Variants in SNX1 observed in about 807,000 individuals in gnomAD.
SNX1 encodes sorting nexin-1.
In SNX1, 36 loss-of-function variants were observed where a neutral mutation model predicts 71.8. The observed-to-expected ratio is 0.50, with a 90% CI of 0.38 to 0.66. The LOEUF is 0.66. SNX1 is among the 30% of genes least tolerant of loss of function. SNX1 has a pLI of 0.00. For missense variants in SNX1, 612 were observed against 646.7 expected, an observed-to-expected ratio of 0.95 and a Z score of 0.58; for synonymous variants, 254 against 240.7, an observed-to-expected ratio of 1.06 and a Z score of -0.51.
rs1310033004 is a variant in SNX1 at position 64,118,169 on chromosome 15, G to A, written c.324G>A (p.Val108=). 1.9e-6 allele frequency: 3 copies of A among 1,613,134 alleles called. No homozygotes were observed. The highest frequency in any genetic ancestry group is 1.1e-5 in the South Asian group (1 of 91,026). The part of the protein sequence containing the change: ...LDSTQNNQKK[V]LAKTLISLPP... ...GCACACAAAATAATCAGAAGAAGGT[G>A]CTAGCCAAAACACTCATTTCTCTTC... The change falls in exon 3 of 15, where the codon GTG becomes GTA. Residue 108 remains valine, a synonymous_variant. Coordinates refer to ENST00000559844, the MANE Select transcript of SNX1 (RefSeq NM_003099.5).
At position 64,096,249 on chromosome 15, in the gene SNX1, G is replaced by T. The variant is rs1439204895; in HGVS notation, c.159+77G>T. On this transcript the variant is annotated intron_variant, in intron 1 of 14. Coordinates refer to ENST00000559844, the MANE Select transcript of SNX1 (RefSeq NM_003099.5). ...GAGAGGCTAAGCGAGAATCGGGGAG[G>T]TTGGGCAGAGTGGGCCCGGTGAGAC... The T allele has an allele frequency of 2.3e-5, 34 of 1,489,650 alleles. 1 individual carries two copies. The highest frequency in any genetic ancestry group is 2.3e-5 in the Non-Finnish European group (26 of 1,117,122). The allele number at this position is 1,489,650 out of a possible 1,614,324, so 92.3% of individuals were successfully genotyped here.
intron 1 of SNX1, among the ~76,000 whole-genome samples, chr15:64,107,876 T>C (rs2081038338): frequency 6.6e-6 from 1 of 152,294 alleles, no homozygotes; most frequent in South Asian, 2.1e-4. Context: ...TGTGACTTAC[T>C]GACTGCTAAG....
In SNX1 at chr15:64,096,097, G is replaced by A. The variant is rs756796466; in HGVS notation, c.84G>A (p.Ala28=). 33 of 1,566,842 alleles carry A rather than the reference G, an allele frequency of 2.1e-5. No homozygotes were observed. In the Admixed American group the frequency reaches 4.2e-4, roughly 20 times the overall value. ...FPGLEPESEG[A]AGGSEPEAGD... ...GCCTGGAGCCGGAGTCCGAGGGGGC[G>A]GCCGGGGGATCAGAACCCGAGGCTG... The change falls in exon 1 of 15, where the codon GCG becomes GCA. Residue 28 remains alanine, a synonymous_variant. Transcript: ENST00000559844.
chr15:64,136,755 C>A, intron 13 of SNX1, 106 bp from the exon 14 acceptor site: 2 of 802,944 alleles, frequency 2.5e-6, no homozygotes, highest in Non-Finnish European at 4.2e-6. Flanking sequence ...CACCTGCTGC[C>A]TCTACTTTCT....
chr15:64,098,104 A>G (rs2080921842), intron 1 of SNX1, among the ~76,000 whole-genome samples: 1 of 152,224 alleles, frequency 6.6e-6, no homozygotes, highest in Non-Finnish European at 1.5e-5. Flanking sequence ...TCTGGGCTCA[A>G]TGGATCCTCC....
chr15:64,123,207 G>A (rs967581902), intron 4 of SNX1, among the ~76,000 whole-genome samples: 3 of 152,184 alleles, frequency 2.0e-5, no homozygotes, highest in African/African-American at 7.2e-5. Flanking sequence ...AGTATCCAGT[G>A]CTGCTTTGTG....
chr15:64,112,033 G>A (rs2081082618), intron 1 of SNX1, among the ~76,000 whole-genome samples: 1 of 152,226 alleles, frequency 6.6e-6, no homozygotes, highest in South Asian at 2.1e-4. Context: ...ATTTGTGTGA[G>A]TTAAGGATGA....
rs1187881496 is a variant in SNX1, at chr15:64,143,880, A to C, written c.*6262A>C. ...TCATAGCACTGTTTACAGTTGCAAA[A>C]ACTGAAGCCAATTGAAATGTCCATC... On this transcript the variant is annotated 3_prime_UTR_variant, in exon 15 of 15. Coordinates refer to ENST00000559844, the MANE Select transcript of SNX1 (RefSeq NM_003099.5). 6.6e-6 allele frequency: 1 copy of C among 152,252 alleles called. No individual in the cohort carries two copies. Among genetic ancestry groups the C allele is most frequent in the Non-Finnish European group, 1.5e-5 (1 of 68,048 alleles). 9.4% of individuals were successfully genotyped at this position (152,252 alleles called of 1,614,324 possible). A position where few individuals can be genotyped will look rare whatever the true frequency, so the allele number is the denominator to read the frequency against.
chr15:64,119,322 A>G (rs6494465), intron 4 of SNX1, among the ~76,000 whole-genome samples: 84,790 of 151,778 alleles, frequency 0.56, 27,703 homozygotes, highest in East Asian at 0.81. Flanking sequence ...GGGTCTTGCT[A>G]TGTTGCCCAG....
chr15:64,099,173 A>C (rs1406421109), intron 1 of SNX1, among the ~76,000 whole-genome samples: 4 of 152,180 alleles, frequency 2.6e-5, no homozygotes, highest in African/African-American at 9.7e-5. Context: ...GTCTGATTTA[A>C]ATCTAGGCTC....
In SNX1 at chr15:64,140,114, T is replaced by C. The variant is rs1354266091; in HGVS notation, c.*2496T>C. 6.6e-6 allele frequency: 1 copy of C among 152,306 alleles called. No homozygotes were observed. Among genetic ancestry groups the C allele is most frequent in the East Asian group, 1.9e-4 (1 of 5,206 alleles). The allele number at this position is 152,306 out of a possible 1,614,324, so 9.4% of individuals were successfully genotyped here. On this transcript the variant is annotated 3_prime_UTR_variant, in exon 15 of 15. Transcript: ENST00000559844. The stretch of plus-strand genomic sequence containing the variant: ...TACAAGTAATTTGTGGGGAGATACT[T>C]TGAGACTATATAAGTATTTTGTTCC...
Position 64,129,181 on chromosome 15 carries a change from A to T in SNX1, c.808-735A>T, listed in dbSNP as rs866082539. Among the ~76,000 whole-genome samples, 1 of 151,430 alleles carries T rather than the reference A, an allele frequency of 6.6e-6. No individual in the cohort carries two copies. Among genetic ancestry groups the T allele is most frequent in the Admixed American group, 6.6e-5 (1 of 15,168 alleles). ...ATAATCACTTGAACCCTGGAGGCAG[A>T]GGTTGCCGTGAGCTGAGATCGTGCC... On this transcript the variant is annotated intron_variant, in intron 8 of 14. Transcript: ENST00000559844. This position sits in a 1 kb window ranked among gnomAD's most constrained non-coding sequence, Gnocchi z 4.4.
At position 64,126,227 on chromosome 15, in the gene SNX1, C is replaced by G; in HGVS notation, c.652+7C>G. ...CCGGAGAAGAGCCTCATAGGTAAGC[C>G]TGTGGTCTTTCATTCCACTTGGATT... On this transcript the variant is annotated splice_region_variant and intron_variant, in intron 6 of 14. Coordinates refer to ENST00000559844, the MANE Select transcript of SNX1 (RefSeq NM_003099.5). The G allele has an allele frequency of 6.2e-7, 1 of 1,610,228 alleles. No individual in the cohort carries two copies.
intron 2 of SNX1, among the ~76,000 whole-genome samples, chr15:64,117,287 C>G (rs764376226): frequency 1.3e-5 from 2 of 152,108 alleles, no homozygotes; most frequent in Non-Finnish European, 2.9e-5. Flanking sequence ...CAGAGTCTCC[C>G]TCTGTTGCCC....
chr15:64,096,768 G>T (rs1340691456), intron 1 of SNX1, among the ~76,000 whole-genome samples: 1 of 152,202 alleles, frequency 6.6e-6, no homozygotes, highest in East Asian at 1.9e-4. Context: ...ACATAGATCA[G>T]AAAGCTTTCT....
intron 5 of SNX1, among the ~76,000 whole-genome samples, chr15:64,125,704 T>A (rs1055660170): frequency 2.0e-5 from 3 of 152,184 alleles, no homozygotes; most frequent in Non-Finnish European, 4.4e-5. Flanking sequence ...ATTCTAGCTT[T>A]AAACTAGAAC....
intron 4 of SNX1, 121 bp downstream of exon 4, chr15:64,118,975 CTT>C: frequency 4.4e-6 from 3 of 682,794 alleles, no homozygotes; most frequent in Non-Finnish European, 7.6e-6. Context: ...TCATTAGTAT[CTT>C]TTCTGTAAAA....
At chr15:64,109,186 C>T (rs1416185549) in intron 1 of SNX1, among the ~76,000 whole-genome samples, 1 of 152,078 alleles carries the variant, frequency 6.6e-6, no homozygotes, top group Non-Finnish European at 1.5e-5. Flanking sequence ...GCCTGGCCGA[C>T]ATGGTGAAAC....
intron 4 of SNX1, among the ~76,000 whole-genome samples, chr15:64,120,290 G>C (rs1297223612): frequency 6.2e-5 from 2 of 32,250 alleles, no homozygotes; most frequent in Non-Finnish European, 1.3e-4. Context: ...TTTTTTTTTT[G>C]AGACGGGGTC....
Sources: allele counts gnomAD v4.1 joint callset (sites outside exome capture counted in the v4.1 genomes callset), GRCh38; gene constraint gnomAD v4.1.1; non-coding constraint Gnocchi (gnomAD v3.1); transcripts MANE v1.5; gene names NCBI Gene and HGNC (gene_info 2026-07-23, HGNC 2026-07-21).